Variants in GPHN observed in about 807,000 individuals in gnomAD.
The protein encoded by GPHN is gephyrin.
Under a neutral mutation model 95.5 loss-of-function variants are expected in GPHN, and 17 were observed. The observed-to-expected ratio is 0.18, with a 90% CI of 0.12 to 0.27. The LOEUF (loss-of-function observed/expected upper bound fraction) is 0.27, where lower values mean the gene tolerates loss of function less well. GPHN is among the 10% of genes least tolerant of loss of function. The pLI, the probability that GPHN is intolerant of heterozygous loss-of-function variation, is 1.00. For synonymous variants in GPHN, 320 were observed against 322.5 expected (o/e 0.99, Z 0.08); for missense variants, 660 against 978.1 (o/e 0.67, Z 4.34).
At chr14:66,685,957 C>T (rs1056223760) in intron 2 of GPHN, among the ~76,000 whole-genome samples, 7 of 151,962 alleles carry the variant, frequency 4.6e-5, no homozygotes, top group African/African-American at 1.5e-4. Context: ...TTTCAGCTTT[C>T]TACATTTGGC....
At chr14:67,729,599 T>C in the GPHN span, 1 of 636,874 alleles carries the variant, frequency 1.6e-6, no homozygotes. Flanking sequence ...TATACTCGTG[T>C]GCCGCTTTTC....
chr14:67,003,815 T>A (rs2072412087), intron 9 of GPHN, among the ~76,000 whole-genome samples: 1 of 151,726 alleles, frequency 6.6e-6, no homozygotes, highest in Non-Finnish European at 1.5e-5. Flanking sequence ...AAGTGCTACT[T>A]ATTAAATACC....
the GPHN span, among the ~76,000 whole-genome samples, chr14:67,255,531 A>G: frequency 2.0e-5 from 3 of 152,236 alleles, no homozygotes; most frequent in African/African-American, 7.2e-5. Context: ...CTAAAGAGCC[A>G]TGACCCTAAT....
chr14:67,111,148 T>A (rs946310304), intron 14 of GPHN, among the ~76,000 whole-genome samples: 2 of 152,256 alleles, frequency 1.3e-5, no homozygotes, highest in African/African-American at 4.8e-5. Context: ...GAGATTTTCT[T>A]TTTAATCACC....
Position 66,675,397 on chromosome 14 carries a change from G to A in GPHN, c.65-5710G>A, listed in dbSNP as rs147208134. 2.6e-3 allele frequency among the ~76,000 whole-genome samples: 392 copies of A among 152,192 alleles called. 2 individuals carry two copies. Among genetic ancestry groups the A allele is most frequent in the African/African-American group, 9.0e-3 (372 of 41,510 alleles). On this transcript the variant is annotated intron_variant, in intron 1 of 22. Coordinates refer to ENST00000478722, the MANE Select transcript of GPHN (RefSeq NM_020806.5). ...TTGACCTCATGATCTGCCCGCCTCG[G>A]CCTCCCAAAGTGCTGGGATGACAGG...
At chr14:67,053,862 C>T (rs536941569) in intron 10 of GPHN, among the ~76,000 whole-genome samples, 42 of 152,230 alleles carry the variant, frequency 2.8e-4, no homozygotes, top group Middle Eastern at 3.4e-3. Context: ...ACACAAAAAC[C>T]GCATGATTAT....
At chr14:66,828,401 G>A (rs1266347025) in intron 4 of GPHN, among the ~76,000 whole-genome samples, 2 of 152,020 alleles carry the variant, frequency 1.3e-5, no homozygotes, top group African/African-American at 4.8e-5. Flanking sequence ...ATACTGATTT[G>A]TCTGTTTTGA....
chr14:66,890,296 T>C (rs1212399568), intron 5 of GPHN, among the ~76,000 whole-genome samples: 1 of 150,898 alleles, frequency 6.6e-6, no homozygotes, highest in Non-Finnish European at 1.5e-5. Context: ...TAGTCCCAGC[T>C]ACTCAGGGGT....
At chr14:67,469,257 G>A in the GPHN span, among the ~76,000 whole-genome samples, 3 of 152,048 alleles carry the variant, frequency 2.0e-5, no homozygotes, top group Non-Finnish European at 4.4e-5. Context: ...GCTGTGACAG[G>A]GGGCCCATGC....
chr14:67,254,152 T>C, the GPHN span: 1 of 150,780 alleles, frequency 6.6e-6, no homozygotes, highest in African/African-American at 2.4e-5. Context: ...TTTACTTATC[T>C]GATATCTATA....
At chr14:66,597,098 A>G (rs936863740) in intron 1 of GPHN, among the ~76,000 whole-genome samples, 4 of 152,162 alleles carry the variant, frequency 2.6e-5, no homozygotes, top group African/African-American at 9.7e-5. Flanking sequence ...TAGAGGCCCT[A>G]TCTAAGGGTC....
intron 1 of GPHN, among the ~76,000 whole-genome samples, chr14:66,605,961 A>G (rs2062514452): frequency 1.3e-5 from 2 of 152,030 alleles, no homozygotes; most frequent in East Asian, 3.8e-4. Context: ...TTTACTGTTG[A>G]TAATTTATTT....
the GPHN span, among the ~76,000 whole-genome samples, chr14:67,329,240 T>C: frequency 1.3e-5 from 2 of 152,208 alleles, no homozygotes; most frequent in South Asian, 2.1e-4. Flanking sequence ...TTTGTAGCAA[T>C]TGTGAATGGG....
chr14:67,397,873 G>T, the GPHN span: 1 of 1,526,662 alleles, frequency 6.6e-7, no homozygotes. Flanking sequence ...CAGTGGGAGG[G>T]TATGGTGTTC....
At chr14:67,303,444 AG>A in the GPHN span, 1 of 1,152,822 alleles carries the variant, frequency 8.7e-7, no homozygotes, top group Non-Finnish European at 1.3e-6. Flanking sequence ...AGTCCAGTTT[AG>A]GGAATATAGA....
the GPHN span, among the ~76,000 whole-genome samples, chr14:67,731,403 T>G: frequency 6.6e-6 from 1 of 151,796 alleles, no homozygotes; most frequent in African/African-American, 2.4e-5. Context: ...CTAGTAGAGA[T>G]GGAGTTTTGC....
intron 1 of GPHN, among the ~76,000 whole-genome samples, chr14:66,560,391 T>C (rs1424762900): frequency 6.6e-6 from 1 of 152,194 alleles, no homozygotes; most frequent in Non-Finnish European, 1.5e-5. Context: ...GTTCTTCCAT[T>C]TGTTTGTATC....
At chr14:66,692,268 T>G (rs2067828931) in intron 2 of GPHN, among the ~76,000 whole-genome samples, 1 of 152,160 alleles carries the variant, frequency 6.6e-6, no homozygotes, top group Admixed American at 6.6e-5. Context: ...TCTGACACAC[T>G]TCATTGTCAT....
chr14:66,865,028 A>G (rs1458321677), intron 4 of GPHN, among the ~76,000 whole-genome samples: 1 of 152,166 alleles, frequency 6.6e-6, no homozygotes, highest in Non-Finnish European at 1.5e-5. Flanking sequence ...CAAACTTCAC[A>G]TGTTCTCACT....
Sources: gnomAD v4.1 joint callset for allele counts (sites outside exome capture counted in the v4.1 genomes callset) on GRCh38, gnomAD v4.1.1 for gene constraint, MANE v1.5 for transcripts, NCBI Gene and HGNC (gene_info 2026-07-23, HGNC 2026-07-21) for gene names.